The following PRDM5 variants were observed in gnomAD, a reference collection of about 807,000 sequenced individuals.
PRDM5 encodes the protein PR domain zinc finger protein 5.
In PRDM5, 56 loss-of-function variants were observed where a neutral mutation model predicts 81.2. That is an observed-to-expected ratio of 0.69 (90% confidence interval 0.56 to 0.86). The LOEUF (loss-of-function observed/expected upper bound fraction) is 0.86, where lower values mean the gene tolerates loss of function less well. Among genes scored for constraint, PRDM5 ranks in the 40% least tolerant of loss-of-function variants. The pLI, the probability that PRDM5 is intolerant of heterozygous loss-of-function variation, is 0.00. For synonymous variants in PRDM5, 267 were observed against 256.4 expected, an observed-to-expected ratio of 1.04 and a Z score of -0.39; for missense variants, 697 against 770.1, an observed-to-expected ratio of 0.91 and a Z score of 1.12.
At chr4:120,891,717 C>T (rs1764066642) in intron 2 of PRDM5, among the ~76,000 whole-genome samples, 1 of 152,106 alleles carries the variant, frequency 6.6e-6, no homozygotes. Context: ...GCAACCTCCG[C>T]CTTCTGGGTT....
chr4:120,874,379 G>A (rs976323827), intron 2 of PRDM5, among the ~76,000 whole-genome samples: 5 of 152,116 alleles, frequency 3.3e-5, no homozygotes, highest in Non-Finnish European at 7.4e-5. Flanking sequence ...CAGTGGAGGT[G>A]AAATGTTTTC....
At chr4:120,736,218 T>C (rs1235937911) in intron 14 of PRDM5, among the ~76,000 whole-genome samples, 1 of 151,188 alleles carries the variant, frequency 6.6e-6, no homozygotes, top group Non-Finnish European at 1.5e-5. Flanking sequence ...TGTGTGTGTG[T>C]GTGTGTGTGT....
intron 10 of PRDM5, among the ~76,000 whole-genome samples, chr4:120,785,664 C>T (rs546429517): frequency 6.6e-6 from 1 of 152,210 alleles, no homozygotes; most frequent in Non-Finnish European, 1.5e-5. Flanking sequence ...AAATGCTATT[C>T]TAAACACTTT....
At chr4:120,816,661 T>C in intron 6 of PRDM5, 87 bp from the exon 7 acceptor site, 1 of 1,584,256 alleles carries the variant, frequency 6.3e-7, no homozygotes, top group South Asian at 1.1e-5. Flanking sequence ...TTGTAATACA[T>C]GCTCCCTAGT....
At chr4:120,745,231 AC>A (rs1180922123) in intron 14 of PRDM5, among the ~76,000 whole-genome samples, 2 of 123,596 alleles carry the variant, frequency 1.6e-5, no homozygotes, top group Non-Finnish European at 3.3e-5. Context: ...AAATTCAACA[AC>A]CCTTCATGCT....
chr4:120,818,422 G>C lies in PRDM5; in HGVS notation c.581C>G (p.Thr194Arg). The C allele has an allele frequency of 6.2e-7, 1 of 1,614,006 alleles. No individual in the cohort carries two copies. Among genetic ancestry groups the C allele is most frequent in the South Asian group, 1.1e-5 (1 of 91,078 alleles). ...EHLQTLHQKPTEEKEFKCKNC... is the reference protein window; with the variant it reads ...EHLQTLHQKPREEKEFKCKNC... ...CTTGCACTTAAATTCTTTCTCCTCT[G>C]TGGGTTTCTGGTGCAATGTCTGGAG... The change falls in exon 5 of 16, where the codon ACA (threonine) becomes AGA (arginine). Residue 194 changes from threonine to arginine, a missense_variant. Physicochemically the swap from Thr to Arg is moderately conservative, Grantham distance 71 (BLOSUM62 -1). Transcript: ENST00000264808.
chr4:120,715,312 C>A (rs888674383), intron 14 of PRDM5, among the ~76,000 whole-genome samples: 3 of 152,076 alleles, frequency 2.0e-5, no homozygotes, highest in Non-Finnish European at 4.4e-5. Flanking sequence ...CCTTATAGGG[C>A]CTTTTTTCCG....
At chr4:120,706,554 T>C (rs933723667) in intron 15 of PRDM5, among the ~76,000 whole-genome samples, 1 of 151,974 alleles carries the variant, frequency 6.6e-6, no homozygotes, top group Non-Finnish European at 1.5e-5. Flanking sequence ...GTTGAAAATA[T>C]CTGCCTAGGG....
At chr4:120,859,577 G>A (rs139117533) in intron 2 of PRDM5, among the ~76,000 whole-genome samples, 2 of 152,242 alleles carry the variant, frequency 1.3e-5, no homozygotes, top group East Asian at 3.9e-4. Flanking sequence ...CAAAGATAGT[G>A]TTAAGGATAT....
chr4:120,804,711 G>A (rs1271692413), intron 8 of PRDM5, among the ~76,000 whole-genome samples: 2 of 152,092 alleles, frequency 1.3e-5, no homozygotes, highest in Non-Finnish European at 2.9e-5. Flanking sequence ...GTGTGTAGAG[G>A]GAAATTTATA....
At chr4:120,862,606 G>A (rs1402468418) in intron 2 of PRDM5, among the ~76,000 whole-genome samples, 2 of 152,170 alleles carry the variant, frequency 1.3e-5, no homozygotes, top group Admixed American at 1.3e-4. Flanking sequence ...CCTTTGGTGG[G>A]CATGGGAGAA....
At chr4:120,866,598 A>G (rs1761222818) in intron 2 of PRDM5, among the ~76,000 whole-genome samples, 2 of 152,206 alleles carry the variant, frequency 1.3e-5, no homozygotes, top group Non-Finnish European at 2.9e-5. Flanking sequence ...TTAACAGATG[A>G]GCGAACTGAA....
chr4:120,689,692 C>T (rs534588505), downstream of PRDM5, among the ~76,000 whole-genome samples: 24 of 151,868 alleles, frequency 1.6e-4, no homozygotes, highest in African/African-American at 4.8e-4. Flanking sequence ...CTGCTACTTC[C>T]GCCTCCAGGG....
At chr4:120,842,797 A>G (rs1432772690) in intron 3 of PRDM5, among the ~76,000 whole-genome samples, 2 of 152,150 alleles carry the variant, frequency 1.3e-5, no homozygotes, top group Non-Finnish European at 2.9e-5. Flanking sequence ...TCACACTTTC[A>G]CTATCACCAA....
intron 8 of PRDM5, among the ~76,000 whole-genome samples, chr4:120,803,799 C>T (rs548737513): frequency 3.3e-5 from 5 of 152,196 alleles, no homozygotes; most frequent in African/African-American, 7.2e-5. Context: ...CATCAACTAA[C>T]GAGCAAAATA....
intron 10 of PRDM5, among the ~76,000 whole-genome samples, chr4:120,795,981 C>A (rs1457232552): frequency 6.6e-6 from 1 of 152,012 alleles, no homozygotes; most frequent in African/African-American, 2.4e-5. Flanking sequence ...ATTTTTCAAG[C>A]AAGTCTAAAT....
chr4:120,854,388 A>G (rs1451817465), intron 2 of PRDM5, among the ~76,000 whole-genome samples: 1 of 152,200 alleles, frequency 6.6e-6, no homozygotes, highest in East Asian at 1.9e-4. Flanking sequence ...CAGAAAAAAA[A>G]GGAAAGGAGT....
At chr4:120,784,264 G>A (rs961673033) in intron 11 of PRDM5, among the ~76,000 whole-genome samples, 18 of 152,076 alleles carry the variant, frequency 1.2e-4, no homozygotes, top group Non-Finnish European at 1.9e-4. Flanking sequence ...AAGTGTAGGC[G>A]TTAGACTTTC....
At chr4:120,684,484 G>A (rs1172826082), downstream of PRDM5, among the ~76,000 whole-genome samples, 2 of 151,828 alleles carry the variant, frequency 1.3e-5, no homozygotes, top group Non-Finnish European at 2.9e-5. Context: ...TTTTTTCAGA[G>A]ATGTTAACAT....
Sources: allele counts gnomAD v4.1 joint callset (sites outside exome capture counted in the v4.1 genomes callset), GRCh38; gene constraint gnomAD v4.1.1; transcripts MANE v1.5; gene names NCBI Gene and HGNC (gene_info 2026-07-23, HGNC 2026-07-21).